The following NUP205 variants were observed in gnomAD, a reference collection of about 807,000 sequenced individuals.
NUP205 encodes the protein nuclear pore complex protein Nup205.
Under a neutral mutation model 253.8 loss-of-function variants are expected in NUP205, and 76 were observed. The observed-to-expected ratio is 0.30, with a 90% confidence interval of 0.25 to 0.36. NUP205 has a LOEUF of 0.36. Among genes scored for constraint, NUP205 ranks in the 10% least tolerant of loss-of-function variants. The pLI, the probability that NUP205 is intolerant of heterozygous loss-of-function variation, is 1.00. For synonymous variants in NUP205, 832 were observed against 850.1 expected (o/e 0.98, Z 0.37); for missense variants, 2,162 against 2,425.5 (o/e 0.89, Z 2.28).
chr7:135,624,029 G>T (rs1298219072), intron 31 of NUP205, among the ~76,000 whole-genome samples: 1 of 152,016 alleles, frequency 6.6e-6, no homozygotes, highest in Non-Finnish European at 1.5e-5. Flanking sequence ...TGATCCTCCC[G>T]CCTCGGCCTC....
At chr7:135,570,048 T>TAGAGAG (rs1427743388) in intron 1 of NUP205, among the ~76,000 whole-genome samples, 37 of 99,776 alleles carry the variant, frequency 3.7e-4, no homozygotes, top group Middle Eastern at 5.2e-3. Context: ...TATATATATA[T>TAGAGAG]ATATAGAGAG....
chr7:135,617,181 G>T lies in NUP205; in HGVS notation c.3624G>T (p.Gln1208His), dbSNP rs754225224. The T allele has an allele frequency of 1.2e-6, 2 of 1,613,846 alleles. No homozygotes were observed. The highest frequency in any genetic ancestry group is 8.5e-7 in the Non-Finnish European group (1 of 1,179,894). The change falls in exon 26 of 43, where the codon CAG becomes CAT. Residue 1208 changes from glutamine to histidine, a missense_variant. This residue lies in a region of NUP205 where 1,144 missense variants were observed against 1,280.9 expected (regional missense o/e 0.89). Transcript: ENST00000285968. ...AGTTGGATTTTTTTGATCGGGCCCA[G>T]ATTGAACAAGTTATTGCTAACTGTG... ...PLQLDFFDRA[Q>H]IEQVIANCEH...
chr7:135,619,803 A>G lies in NUP205; in HGVS notation c.4245A>G (p.Gln1415=), dbSNP rs138384984. ...TAATCTCCCTAGGTGGTGGATTCCAACGAGTGAGGACTCACTTGTATGGCT... is the reference window on the plus strand; with the variant it reads ...TAATCTCCCTAGGTGGTGGATTCCAGCGAGTGAGGACTCACTTGTATGGCT... ...DFILKTGGGF[Q]RVRTHLYGSL... is the part of the protein sequence containing the mutation. The change falls in exon 30 of 43, where the codon CAA becomes CAG. Residue 1415 remains glutamine (Q), a synonymous_variant. Coordinates refer to ENST00000285968, the MANE Select transcript of NUP205 (RefSeq NM_015135.3). 2.9e-4 allele frequency: 472 copies of G among 1,612,232 alleles called. 1 individual carries two copies. In the African/African-American group the frequency reaches 4.4e-3, roughly 15 times the overall value.
chr7:135,558,272 C>A, intron 1 of NUP205: 1 of 430,704 alleles, frequency 2.3e-6, no homozygotes, highest in African/African-American at 2.0e-5. Context: ...CCAAGTTTCA[C>A]TGTGCGTCTG....
intron 36 of NUP205, among the ~76,000 whole-genome samples, chr7:135,637,048 C>T (rs1405133495): frequency 2.6e-5 from 4 of 152,116 alleles, no homozygotes; most frequent in African/African-American, 4.8e-5. Flanking sequence ...GTATTATGTA[C>T]GTGTATACCT....
At chr7:135,558,026 T>G in intron 1 of NUP205, 54 bp downstream of exon 1, 1 of 1,467,168 alleles carries the variant, frequency 6.8e-7, no homozygotes. Flanking sequence ...CAGGTCTTCA[T>G]GGAGAGACGA....
intron 27 of NUP205, among the ~76,000 whole-genome samples, 180 bp from the exon 28 acceptor site, chr7:135,618,222 GCACATACACA>G (rs1292122863): frequency 1.3e-4 from 20 of 152,140 alleles, no homozygotes; most frequent in African/African-American, 4.3e-4. Context: ...TACCTTTCAT[GCACATACACA>G]CACATACACA....
intron 7 of NUP205, among the ~76,000 whole-genome samples, chr7:135,581,511 C>T (rs896256258): frequency 1.3e-5 from 2 of 151,970 alleles, no homozygotes; most frequent in African/African-American, 4.8e-5. Context: ...CTCCACTGCA[C>T]TCCAGCCTGG....
chr7:135,643,375 G>A lies in NUP205; in HGVS notation c.5559+17G>A, dbSNP rs771817103. ...ATAAAAGAGGTACGAATCTTATAAT[G>A]AGCTGGGGGGACTTGAGAAATCATT... On this transcript the variant is annotated intron_variant, in intron 39 of 42. Coordinates refer to ENST00000285968, the MANE Select transcript of NUP205 (RefSeq NM_015135.3). 2 of 1,606,596 alleles carry A rather than the reference G, an allele frequency of 1.2e-6. No homozygotes were observed. The highest frequency in any genetic ancestry group is 2.2e-5 in the South Asian group (2 of 90,412).
At position 135,587,596 on chromosome 7, in the gene NUP205, G is replaced by A. The variant is rs762241199; in HGVS notation, c.1240G>A (p.Ala414Thr). 1 of 1,602,462 alleles carries A rather than the reference G, an allele frequency of 6.2e-7. No homozygotes were observed. The highest frequency in any genetic ancestry group is 8.5e-7 in the Non-Finnish European group (1 of 1,174,440). ...PMKVKQLRNR[A>T]DEDARMIHMS... The stretch of plus-strand genomic sequence containing the variant: ...ATAGGTGAAACAGCTGAGGAATCGG[G>A]CAGATGAAGATGCTCGAATGATTCA... The change falls in exon 9 of 43, where the codon GCA becomes ACA. Residue 414 changes from alanine (A) to threonine (T), a missense_variant. Ala to Thr is a moderately conservative substitution (Grantham distance 58). Coordinates refer to ENST00000285968, the MANE Select transcript of NUP205 (RefSeq NM_015135.3).
intron 6 of NUP205, 122 bp from the exon 7 acceptor site, chr7:135,578,629 T>A: frequency 1.6e-6 from 1 of 634,940 alleles, no homozygotes; most frequent in Non-Finnish European, 2.6e-6. Flanking sequence ...AAATTAATGT[T>A]AATTGGTCAT....
chr7:135,571,261 T>C lies in NUP205; in HGVS notation c.171+14T>C. On this transcript the variant is annotated intron_variant, in intron 2 of 42. Transcript: ENST00000285968. ...TTCAAAAATCCGGTAAGAAATTTTC[T>C]TTTTCAGTTTTTTTGGGATTTTTTT... The C allele has an allele frequency of 5.8e-6, 8 of 1,390,432 alleles. No individual in the cohort carries two copies. Among genetic ancestry groups the C allele is most frequent in the Non-Finnish European group, 7.5e-6 (8 of 1,062,532 alleles). The allele number at this position is 1,390,432 out of a possible 1,614,324, so 86.1% of individuals were successfully genotyped here.
intron 19 of NUP205, among the ~76,000 whole-genome samples, chr7:135,605,460 A>G (rs901670388): frequency 2.6e-5 from 4 of 152,218 alleles, no homozygotes; most frequent in African/African-American, 7.2e-5. Flanking sequence ...AGATACCACT[A>G]TCTGTCAGTA....
At position 135,616,640 on chromosome 7, in the gene NUP205, T is replaced by C. The variant is rs1482586376; in HGVS notation, c.3461-15T>C. On this transcript the variant is annotated splice_polypyrimidine_tract_variant and intron_variant, in intron 24 of 42. Transcript: ENST00000285968. ...TTCTTCTTTTTCTGATTCAATATTA[T>C]TGATATTCCAACAGATGGTGAAGGA... is the stretch of plus-strand genomic sequence containing the variant. 3 of 1,485,266 alleles carry C rather than the reference T, an allele frequency of 2.0e-6. No homozygotes were observed. The highest frequency in any genetic ancestry group is 1.3e-5 in the South Asian group (1 of 77,604). 92.0% of individuals were successfully genotyped at this position (1,485,266 alleles called of 1,614,324 possible). A position where few individuals can be genotyped will look rare whatever the true frequency, so the allele number is the denominator to read the frequency against.
chr7:135,631,871 TC>T (rs1794721947), intron 35 of NUP205, among the ~76,000 whole-genome samples: 1 of 151,920 alleles, frequency 6.6e-6, no homozygotes, highest in Non-Finnish European at 1.5e-5. Flanking sequence ...TGCCTCAGCC[TC>T]CCGAGCAGCT....
At chr7:135,611,001 CT>C (rs753311876) in intron 22 of NUP205, among the ~76,000 whole-genome samples, 477 of 137,778 alleles carry the variant, frequency 3.5e-3, no homozygotes, top group African/African-American at 5.8e-3. Flanking sequence ...TCCTTCTCTT[CT>C]TTTTTTTTTT....
chr7:135,607,510 T>A, intron 22 of NUP205, 139 bp downstream of exon 22: 1 of 959,194 alleles, frequency 1.0e-6, no homozygotes, highest in South Asian at 1.9e-5. Flanking sequence ...CTTTCATTTG[T>A]GGATAAAATC....
Position 135,600,116 on chromosome 7 carries a change from T to G in NUP205, c.2275-754T>G, listed in dbSNP as rs926948886. 9.2e-5 allele frequency among the ~76,000 whole-genome samples: 14 copies of G among 152,354 alleles called. No homozygotes were observed. In the East Asian group the frequency reaches 2.5e-3, roughly 27 times the overall value. On this transcript the variant is annotated intron_variant, in intron 15 of 42. Transcript: ENST00000285968. ...TAGTAATTCATAAAACCACCCTGTCTGCAATGACCAAACCCAGTCTTATTA... is the reference window on the plus strand; with the variant it reads ...TAGTAATTCATAAAACCACCCTGTCGGCAATGACCAAACCCAGTCTTATTA...
rs141748403 is a variant in NUP205, at chr7:135,573,665, T to G, written c.183T>G (p.Val61=). The G allele has an allele frequency of 2.8e-5, 45 of 1,603,470 alleles. 1 individual carries two copies. The African/African-American group carries it at 4.7e-4, about 17-fold the overall frequency. Residue 61 remains valine, a synonymous_variant, in exon 3 of 43, where the codon GTT becomes GTG. Transcript: ENST00000285968. The stretch of plus-strand genomic sequence containing the variant: ...TTTTATCATTGTAGCCAAAAAATGT[T>G]CAACAGCATGAGAAGGTTCAGAAAG... ...ISLFKNPPKN[V]QQHEKVQKAS... is the part of the protein sequence containing the mutation.
Sources: gnomAD v4.1 joint callset for allele counts (sites outside exome capture counted in the v4.1 genomes callset) on GRCh38, gnomAD v4.1.1 for gene constraint, gnomAD v4.1.1 regional missense constraint, MANE v1.5 for transcripts, NCBI Gene and HGNC (gene_info 2026-07-23, HGNC 2026-07-21) for gene names.